CDH18: variants seen among roughly 807,000 people sequenced by gnomAD.
The protein encoded by CDH18 is cadherin-18.
A neutral mutation model predicts 67.9 loss-of-function variants in CDH18; 31 were observed. The ratio of observed to expected loss-of-function variants is 0.46; its 90% confidence interval spans 0.34 to 0.62. CDH18 has a LOEUF of 0.62. Ranked by LOEUF, CDH18 falls within the 20% of genes least tolerant of loss-of-function variation. CDH18 has a pLI of 0.01. For synonymous variants in CDH18, 362 were observed against 347.2 expected, an observed-to-expected ratio of 1.04 and a Z score of -0.48; for missense variants, 890 against 975.5, an observed-to-expected ratio of 0.91 and a Z score of 1.17.
chr5:20,018,087 T>C (rs934758517), intron 2 of CDH18, among the ~76,000 whole-genome samples: 3 of 152,182 alleles, frequency 2.0e-5, no homozygotes, highest in African/African-American at 4.8e-5. Flanking sequence ...GTAGTTGAAA[T>C]TTAATCTTCA....
Position 20,048,289 on chromosome 5 carries a change from C to G in CDH18, c.-517-56275G>C, listed in dbSNP as rs115882739. On this transcript the variant is annotated intron_variant, in intron 2 of 14. Coordinates refer to the CDH18 transcript ENST00000507958. The stretch of plus-strand genomic sequence containing the variant: ...ATGCTTTATTTCCTGATGCACTCAA[C>G]GTGCTTACACTAATTTAGTGTATCA... Among the ~76,000 whole-genome samples the G allele has an allele frequency of 7.8e-3, 1,180 of 151,584 alleles. 17 individuals are homozygous for G. Among genetic ancestry groups the G allele is most frequent in the African/African-American group, 0.027 (1,122 of 41,434 alleles).
intron 5 of CDH18, among the ~76,000 whole-genome samples, chr5:19,712,419 G>C (rs2150534360): frequency 6.6e-6 from 1 of 152,070 alleles, no homozygotes; most frequent in South Asian, 2.1e-4. Context: ...TCAGAGTAGA[G>C]AAGAAATGCC....
At chr5:20,281,278 TG>T (rs1746249706) in intron 1 of CDH18, among the ~76,000 whole-genome samples, 1 of 152,222 alleles carries the variant, frequency 6.6e-6, no homozygotes, top group African/African-American at 2.4e-5. Flanking sequence ...ATGAAGTCCT[TG>T]CCCATGCCTA....
chr5:19,759,470 C>T (rs968821671), intron 3 of CDH18, among the ~76,000 whole-genome samples: 33 of 152,170 alleles, frequency 2.2e-4, no homozygotes, highest in Non-Finnish European at 1.5e-5. Context: ...CTGCCAGCTA[C>T]TAAGTATGTC....
At chr5:20,130,471 G>T (rs1749182792) in intron 2 of CDH18, among the ~76,000 whole-genome samples, 2 of 148,380 alleles carry the variant, frequency 1.3e-5, no homozygotes, top group East Asian at 2.0e-4. Context: ...AAAATAATCT[G>T]CTTTATTCAG....
chr5:20,222,809 T>C (rs536767529), intron 2 of CDH18, among the ~76,000 whole-genome samples: 2 of 152,254 alleles, frequency 1.3e-5, no homozygotes, highest in South Asian at 4.1e-4. Context: ...GCATGTTTTC[T>C]GACAGTTCTT....
intron 2 of CDH18, among the ~76,000 whole-genome samples, chr5:20,198,978 AT>A (rs1739220334): frequency 6.6e-6 from 1 of 152,224 alleles, no homozygotes; most frequent in Non-Finnish European, 1.5e-5. Flanking sequence ...TTCCACCTGG[AT>A]TTCAGAGGAT....
At chr5:20,290,044 C>T (rs1431911344) in intron 1 of CDH18, among the ~76,000 whole-genome samples, 2 of 152,114 alleles carry the variant, frequency 1.3e-5, no homozygotes, top group Non-Finnish European at 2.9e-5. Flanking sequence ...TTTAGATGTG[C>T]TTCCTGACTA....
chr5:19,552,830 T>C (rs1055117986), intron 8 of CDH18, among the ~76,000 whole-genome samples: 5 of 152,170 alleles, frequency 3.3e-5, no homozygotes, highest in African/African-American at 1.2e-4. Context: ...GTACAGGAGA[T>C]CTTGCCAAGT....
chr5:20,438,363 T>G (rs1430402576), intron 1 of CDH18, among the ~76,000 whole-genome samples: 1 of 151,324 alleles, frequency 6.6e-6, no homozygotes. Context: ...ATCAGGTATC[T>G]ATATACCCCA....
At chr5:19,658,664 T>G (rs1756739895) in intron 5 of CDH18, among the ~76,000 whole-genome samples, 1 of 152,054 alleles carries the variant, frequency 6.6e-6, no homozygotes, top group South Asian at 2.1e-4. Flanking sequence ...TTCTTTTTTT[T>G]TTTAAATTAT....
At chr5:19,552,083 C>T (rs1737552090) in intron 8 of CDH18, among the ~76,000 whole-genome samples, 1 of 152,064 alleles carries the variant, frequency 6.6e-6, no homozygotes, top group Non-Finnish European at 1.5e-5. Flanking sequence ...CTAATCATGC[C>T]AAGAAATCGT....
chr5:19,647,633 T>C (rs1292168922), intron 5 of CDH18, among the ~76,000 whole-genome samples: 1 of 145,696 alleles, frequency 6.9e-6, no homozygotes, highest in Non-Finnish European at 1.5e-5. Context: ...AAAGCAGTAA[T>C]GTCATCTCTG....
At position 20,124,038 on chromosome 5, in the gene CDH18, T is replaced by C. The variant is rs556631096; in HGVS notation, c.-518+131406A>G. ...ACAAATATATATGTATAAAATTTTA[T>C]GTAAGGATACAAATCATAGTTAATA... is the stretch of plus-strand genomic sequence containing the variant. On this transcript the variant is annotated intron_variant, in intron 2 of 14. Coordinates refer to the CDH18 transcript ENST00000507958. 3.9e-5 allele frequency among the ~76,000 whole-genome samples: 6 copies of C among 152,272 alleles called. No individual in the cohort carries two copies. In the East Asian group the frequency reaches 1.2e-3, roughly 29 times the overall value.
chr5:20,485,886 G>T (rs762288942), intron 1 of CDH18, among the ~76,000 whole-genome samples: 1 of 152,096 alleles, frequency 6.6e-6, no homozygotes, highest in Non-Finnish European at 1.5e-5. Flanking sequence ...TTTAAACCAG[G>T]CTATTTTGAA....
chr5:19,795,854 C>T (rs755765210), intron 3 of CDH18, among the ~76,000 whole-genome samples: 5 of 151,834 alleles, frequency 3.3e-5, no homozygotes, highest in East Asian at 1.9e-4. Context: ...TTATTTTGAA[C>T]GAAGTGAAAT....
intron 11 of CDH18, among the ~76,000 whole-genome samples, chr5:19,489,573 C>T (rs1741044040): frequency 6.6e-6 from 1 of 152,076 alleles, no homozygotes; most frequent in African/African-American, 2.4e-5. Flanking sequence ...TCAGATGCTA[C>T]ACAGTAGCTC....
intron 3 of CDH18, among the ~76,000 whole-genome samples, chr5:19,749,226 A>C (rs1296779789): frequency 1.3e-5 from 2 of 152,024 alleles, no homozygotes; most frequent in African/African-American, 2.4e-5. Flanking sequence ...AAAGTAAATC[A>C]ACAAATTCAT....
At chr5:20,281,157 T>A (rs1315607286) in intron 1 of CDH18, among the ~76,000 whole-genome samples, 1 of 152,196 alleles carries the variant, frequency 6.6e-6, no homozygotes, top group Admixed American at 6.5e-5. Context: ...TTCTGTAGGT[T>A]GCCTGTTCAC....
Sources: gnomAD v4.1 joint callset for allele counts (sites outside exome capture counted in the v4.1 genomes callset) on GRCh38, gnomAD v4.1.1 for gene constraint, MANE v1.5 for transcripts, NCBI Gene and HGNC (gene_info 2026-07-23, HGNC 2026-07-21) for gene names.